The following FRY variants were observed in gnomAD, a reference collection of about 807,000 sequenced individuals.
FRY encodes the protein protein furry homolog.
Under a neutral mutation model 348.4 loss-of-function variants are expected in FRY, and 128 were observed. The ratio of observed to expected loss-of-function variants is 0.37; its 90% CI spans 0.32 to 0.43. FRY has a LOEUF of 0.43. FRY is among the 20% of genes least tolerant of loss of function. FRY has a pLI of 1.00. For synonymous variants in FRY, 1,370 were observed against 1,374.7 expected (o/e 1.00, Z 0.08); for missense variants, 2,736 against 3,695.2 (o/e 0.74, Z 6.73).
rs562711379 is a variant in FRY at position 32,291,338 on chromosome 13, G to A, written c.8580+1595G>A. Reference sequence around the variant, plus strand: ...TTCAATTATAAGTTGTCAGATAATAGGAATCAACTCTTTTCTTTTTTATTT... The same window carrying A: ...TTCAATTATAAGTTGTCAGATAATAAGAATCAACTCTTTTCTTTTTTATTT... On this transcript the variant is annotated intron_variant, in intron 59 of 60. Coordinates refer to ENST00000542859, the MANE Select transcript of FRY (RefSeq NM_023037.3). Among the ~76,000 whole-genome samples the A allele has an allele frequency of 4.1e-4, 63 of 151,986 alleles. 1 individual carries two copies. Among genetic ancestry groups the A allele is most frequent in the African/African-American group, 1.5e-3 (63 of 41,494 alleles).
intron 2 of FRY, among the ~76,000 whole-genome samples, chr13:32,089,180 C>T (rs7995848): frequency 0.02 from 3,029 of 152,064 alleles, 114 homozygotes; most frequent in African/African-American, 0.069. Flanking sequence ...CAATTTTAAC[C>T]GGCACAAATT....
intron 16 of FRY, among the ~76,000 whole-genome samples, chr13:32,160,387 G>T (rs1164223922): frequency 6.6e-6 from 1 of 152,136 alleles, no homozygotes; most frequent in East Asian, 1.9e-4. Flanking sequence ...TTCCATAAAG[G>T]TTACAGATAA....
In FRY at chr13:32,237,655, G is replaced by A. The variant is rs970470491; in HGVS notation, c.6087G>A (p.Thr2029=). The change falls in exon 44 of 61, where the codon ACG becomes ACA. Residue 2029 remains threonine (T), a synonymous_variant. Coordinates refer to ENST00000542859, the MANE Select transcript of FRY (RefSeq NM_023037.3). This position sits in a 1 kb window ranked among gnomAD's most constrained non-coding sequence, Gnocchi z 6.3. ...CATCCTCCTTGAAGGACAGTCTCACGGACCCATCCCACATAAACCATCCCA... is the reference window on the plus strand; with the variant it reads ...CATCCTCCTTGAAGGACAGTCTCACAGACCCATCCCACATAAACCATCCCA... ...RSSSSLKDSL[T]DPSHINHPTN... The A allele has an allele frequency of 8.1e-6, 13 of 1,613,924 alleles. No homozygotes were observed. The highest frequency in any genetic ancestry group is 5.3e-5 in the African/African-American group (4 of 74,882).
At position 32,065,597 on chromosome 13, in the gene FRY, C is replaced by T. The variant is rs913871718; in HGVS notation, c.71-13237C>T. On this transcript the variant is annotated intron_variant, in intron 1 of 60. Transcript: ENST00000542859. ...CTAGGATTACAAGCATGAGCCACAGCGCCCGACCAAAAAAATTTTTTTAGA... is the reference window on the plus strand; with the variant it reads ...CTAGGATTACAAGCATGAGCCACAGTGCCCGACCAAAAAAATTTTTTTAGA... 6.7e-5 allele frequency among the ~76,000 whole-genome samples: 10 copies of T among 150,376 alleles called. No individual in the cohort carries two copies. In the East Asian group the frequency reaches 9.9e-4, roughly 15 times the overall value.
At chr13:32,151,754 G>GT (rs1880806887) in intron 14 of FRY, among the ~76,000 whole-genome samples, 1 of 152,150 alleles carries the variant, frequency 6.6e-6, no homozygotes, top group Non-Finnish European at 1.5e-5. Flanking sequence ...CAATTTCTCT[G>GT]TTTTTCCTTG....
chr13:32,223,875 C>T (rs1885444365), intron 36 of FRY, among the ~76,000 whole-genome samples: 2 of 152,056 alleles, frequency 1.3e-5, no homozygotes, highest in African/African-American at 2.4e-5. Context: ...ATTACAGGCA[C>T]GTGCCATCAT....
intron 57 of FRY, among the ~76,000 whole-genome samples, chr13:32,277,579 T>C (rs914300078): frequency 1.3e-5 from 2 of 152,196 alleles, no homozygotes; most frequent in African/African-American, 2.4e-5. Flanking sequence ...AACCACATCA[T>C]GATATTGCCT....
chr13:32,046,939 G>A (rs1191171743), intron 1 of FRY, among the ~76,000 whole-genome samples: 1 of 152,166 alleles, frequency 6.6e-6, no homozygotes, highest in African/African-American at 2.4e-5. Flanking sequence ...ACGATCATGT[G>A]CTTTGTCTCA....
At chr13:32,068,032 C>T (rs2138477589) in intron 1 of FRY, among the ~76,000 whole-genome samples, 1 of 152,236 alleles carries the variant, frequency 6.6e-6, no homozygotes, top group Non-Finnish European at 1.5e-5. Flanking sequence ...TCCAGTCTCA[C>T]CCCAGACTCT....
intron 50 of FRY, among the ~76,000 whole-genome samples, chr13:32,253,442 A>T (rs747448474): frequency 2.0e-5 from 3 of 152,250 alleles, no homozygotes; most frequent in Non-Finnish European, 2.9e-5. Context: ...TGGTTATACA[A>T]AGAATACTAT....
intron 7 of FRY, among the ~76,000 whole-genome samples, chr13:32,125,995 G>GCTAT (rs1188554894): frequency 6.6e-6 from 1 of 152,052 alleles, no homozygotes; most frequent in East Asian, 1.9e-4. Context: ...TTTGCATGAG[G>GCTAT]CTATATTGTA....
intron 1 of FRY, among the ~76,000 whole-genome samples, chr13:32,039,123 T>C (rs750266007): frequency 2.6e-5 from 4 of 152,234 alleles, no homozygotes; most frequent in Non-Finnish European, 4.4e-5. Flanking sequence ...TTTAACTTTA[T>C]GGATTTGTAC....
rs752139679 is a variant in FRY, at chr13:32,208,875, A to C, written c.4041A>C (p.Thr1347=). The C allele has an allele frequency of 1.2e-6, 2 of 1,614,112 alleles. No individual in the cohort carries two copies. Among genetic ancestry groups the C allele is most frequent in the Non-Finnish European group, 1.7e-6 (2 of 1,179,994 alleles). ...LFSEVSQRFP[T]THPNGRQIML... is the part of the protein sequence containing the mutation. ...TAGAGGTAAGCCAGCGATTCCCCACAACACACCCCAACGGGCGCCAGATCA... is the reference window on the plus strand; with the variant it reads ...TAGAGGTAAGCCAGCGATTCCCCACCACACACCCCAACGGGCGCCAGATCA... Residue 1347 remains threonine (T), a synonymous_variant, in exon 32 of 61, where the codon ACA becomes ACC. Coordinates refer to ENST00000542859, the MANE Select transcript of FRY (RefSeq NM_023037.3).
intron 12 of FRY, 123 bp from the exon 13 acceptor site, chr13:32,147,716 G>T (rs1880543433): frequency 1.3e-6 from 1 of 746,172 alleles, no homozygotes; most frequent in Non-Finnish European, 2.5e-6. Context: ...AGGTGAGGTG[G>T]TTTGTTTTCT....
intron 3 of FRY, among the ~76,000 whole-genome samples, chr13:32,109,131 C>T (rs375878641): frequency 4.8e-4 from 73 of 151,976 alleles, no homozygotes; most frequent in African/African-American, 1.7e-3. Context: ...TAAGAAAGGA[C>T]GATTATAAGC....
chr13:32,099,627 C>T (rs1877017082), intron 2 of FRY, among the ~76,000 whole-genome samples: 1 of 151,976 alleles, frequency 6.6e-6, no homozygotes, highest in African/African-American at 2.4e-5. Context: ...AATTTACTTA[C>T]AATAGATACT....
chr13:32,117,619 G>A (rs547825336), intron 4 of FRY, 146 bp downstream of exon 4: 5 of 785,888 alleles, frequency 6.4e-6, no homozygotes, highest in Admixed American at 2.0e-5. Flanking sequence ...TGTGTCTGTA[G>A]CAGGTAACCC....
At chr13:32,129,759 A>G (rs1380827873) in intron 7 of FRY, among the ~76,000 whole-genome samples, 7 of 152,190 alleles carry the variant, frequency 4.6e-5, no homozygotes, top group Admixed American at 4.6e-4. Context: ...AAATACATGT[A>G]GCAAACATAG....
At chr13:32,145,834 G>A (rs1045665035) in intron 11 of FRY, among the ~76,000 whole-genome samples, 4 of 151,958 alleles carry the variant, frequency 2.6e-5, no homozygotes, top group South Asian at 2.1e-4. Flanking sequence ...GTGAGCCACC[G>A]CGCCCGGCCT....
Sources: gnomAD v4.1 joint callset for allele counts (sites outside exome capture counted in the v4.1 genomes callset) on GRCh38, gnomAD v4.1.1 for gene constraint, Gnocchi (gnomAD v3.1) non-coding constraint, MANE v1.5 for transcripts, NCBI Gene and HGNC (gene_info 2026-07-23, HGNC 2026-07-21) for gene names.